Variants in ADAMTS16 observed in about 807,000 individuals in gnomAD.
ADAMTS16 encodes ADAM metallopeptidase with thrombospondin type 1 motif 16, also known as A disintegrin and metalloproteinase with thrombospondin motifs 16.
In ADAMTS16, 94 loss-of-function variants were observed where a neutral mutation model predicts 145.8. The observed-to-expected ratio is 0.64, with a 90% CI of 0.55 to 0.77. The LOEUF (loss-of-function observed/expected upper bound fraction) is 0.77. ADAMTS16 is among the 30% of genes least tolerant of loss of function. The probability of loss-of-function intolerance (pLI) is 0.00; values close to 1 mark genes in which losing one functional copy is unlikely to be tolerated. For missense variants in ADAMTS16, 1,585 were observed against 1,591.5 expected (o/e 1.00, Z 0.07); for synonymous variants, 659 against 604.3 (o/e 1.09, Z -1.33).
Position 5,209,134 on chromosome 5 carries a change from T to C in ADAMTS16, c.1493T>C (p.Val498Ala), listed in dbSNP as rs960592662. 1 of 1,613,862 alleles carries C rather than the reference T, an allele frequency of 6.2e-7. No homozygotes were observed. The highest frequency in any genetic ancestry group is 1.3e-5 in the African/African-American group (1 of 74,934). ...AICLADQPKP[V>A]KEYKYPEKLP... is the part of the protein sequence containing the mutation. ...TGCCTTGCTGATCAGCCAAAGCCTG[T>C]GAAGGAATACAAGTATCCTGAGAAA... The change falls in exon 10 of 23, where the codon GTG (valine) becomes GCG (alanine). Residue 498 changes from valine (V) to alanine (A), a missense_variant. Physicochemically the swap from Val to Ala is moderately conservative, Grantham distance 64. Coordinates refer to ENST00000274181, the MANE Select transcript of ADAMTS16 (RefSeq NM_139056.4).
At chr5:5,199,238 G>A (rs1000606077) in intron 8 of ADAMTS16, among the ~76,000 whole-genome samples, 17 of 152,240 alleles carry the variant, frequency 1.1e-4, no homozygotes, top group South Asian at 2.1e-4. Flanking sequence ...GATTCTCACA[G>A]GTGCACGGCT....
chr5:5,306,028 A>G (rs538922359), intron 20 of ADAMTS16, among the ~76,000 whole-genome samples: 1 of 152,268 alleles, frequency 6.6e-6, no homozygotes, highest in Admixed American at 6.5e-5. Context: ...CTCTCCACGC[A>G]CGCTTCCTTT....
At chr5:5,197,101 T>C (rs16875009) in intron 8 of ADAMTS16, among the ~76,000 whole-genome samples, 2 of 152,112 alleles carry the variant, frequency 1.3e-5, no homozygotes, top group Non-Finnish European at 2.9e-5. Flanking sequence ...GTCGCCATCA[T>C]TATGCCAAAG....
intron 20 of ADAMTS16, among the ~76,000 whole-genome samples, chr5:5,306,043 G>GT (rs1375969887): frequency 2.0e-5 from 3 of 152,140 alleles, no homozygotes; most frequent in Admixed American, 6.5e-5. Flanking sequence ...TCCTTTCCTC[G>GT]CAGGCAGCAC....
chr5:5,282,111 T>C (rs1388470076), intron 18 of ADAMTS16, among the ~76,000 whole-genome samples: 1 of 73,088 alleles, frequency 1.4e-5, no homozygotes, highest in Admixed American at 1.8e-4. Context: ...GGAGATAAAC[T>C]GTTTGGTCCT....
intron 3 of ADAMTS16, among the ~76,000 whole-genome samples, chr5:5,152,285 C>G (rs1251861823): frequency 2.0e-5 from 3 of 152,226 alleles, no homozygotes; most frequent in African/African-American, 2.4e-5. Context: ...CACCCTTACT[C>G]TATGAGCAGA....
chr5:5,265,227 T>A (rs538808029), intron 18 of ADAMTS16, among the ~76,000 whole-genome samples: 1 of 151,978 alleles, frequency 6.6e-6, no homozygotes, highest in African/African-American at 2.4e-5. Context: ...CTAGGTAAGG[T>A]GGTCAGGACA....
At chr5:5,208,254 C>T (rs1265623497) in intron 9 of ADAMTS16, among the ~76,000 whole-genome samples, 1 of 152,200 alleles carries the variant, frequency 6.6e-6, no homozygotes, top group Middle Eastern at 3.2e-3. Context: ...TGGACAACCA[C>T]TCAGAGCCAA....
intron 8 of ADAMTS16, among the ~76,000 whole-genome samples, chr5:5,195,173 T>C (rs1339463535): frequency 6.8e-6 from 1 of 147,214 alleles, no homozygotes; most frequent in Admixed American, 6.7e-5. Context: ...GAACCAGAAC[T>C]GAGATATGTG....
chr5:5,192,631 C>T (rs372076461), intron 8 of ADAMTS16, among the ~76,000 whole-genome samples: 11 of 152,128 alleles, frequency 7.2e-5, no homozygotes, highest in Non-Finnish European at 1.2e-4. Flanking sequence ...GGGAGCCCCA[C>T]GAGCCTGGGG....
In ADAMTS16 at chr5:5,236,992, T is replaced by G; in HGVS notation, c.2047T>G (p.Cys683Gly). 1 of 1,613,908 alleles carries G rather than the reference T, an allele frequency of 6.2e-7. No individual in the cohort carries two copies. The highest frequency in any genetic ancestry group is 1.6e-4 in the Middle Eastern group (1 of 6,062). The change falls in exon 14 of 23, where the codon TGT (cysteine) becomes GGT (glycine). Residue 683 changes from cysteine to glycine, a missense_variant. Cys to Gly is a radical substitution (Grantham distance 159). Around this residue, in one of 3 missense-constraint regions of ADAMTS16, gnomAD observed 834 missense variants for 811.7 expected, o/e 1.03. Coordinates refer to ENST00000274181, the MANE Select transcript of ADAMTS16 (RefSeq NM_139056.4). ...VEDQDLCKLY[C>G]IAEGFDFFFS... ...AGATCAGGACTTATGCAAACTCTAC[T>G]GTATCGCAGAAGGATTTGATTTCTT...
chr5:5,154,511 A>G (rs1321527303), intron 3 of ADAMTS16, among the ~76,000 whole-genome samples: 2 of 152,258 alleles, frequency 1.3e-5, no homozygotes, highest in African/African-American at 4.8e-5. Flanking sequence ...CTATTAATTT[A>G]CTGTTAGTTG....
At chr5:5,228,206 G>T (rs12655182) in intron 11 of ADAMTS16, among the ~76,000 whole-genome samples, 8,595 of 152,180 alleles carry the variant, frequency 0.056, 288 homozygotes, top group East Asian at 0.089. Context: ...CCTAACAGAA[G>T]AATTATTTCA....
At chr5:5,189,273 G>T (rs538223857) in intron 6 of ADAMTS16, among the ~76,000 whole-genome samples, 1 of 152,288 alleles carries the variant, frequency 6.6e-6, no homozygotes, top group South Asian at 2.1e-4. Context: ...CTGGTCTGAT[G>T]CATGTTCTTC....
intron 13 of ADAMTS16, 84 bp downstream of exon 13, chr5:5,235,270 G>A (rs1737069273): frequency 1.5e-6 from 2 of 1,328,196 alleles, no homozygotes; most frequent in Admixed American, 2.8e-5. Flanking sequence ...AGAGTGTGGT[G>A]CACAAATAAA....
At chr5:5,186,299 A>AGG (rs143046364) in intron 5 of ADAMTS16, 48 bp downstream of exon 5, 181,033 of 1,004,244 alleles carry the variant, frequency 0.18, 20,361 homozygotes, top group Admixed American at 0.43. Flanking sequence ...TGCACTTCGT[A>AGG]GGGTGTGTGT....
At position 5,303,375 on chromosome 5, in the gene ADAMTS16, C is replaced by T. The variant is rs372400608; in HGVS notation, c.2897C>T (p.Pro966Leu). 37 of 1,602,610 alleles carry T rather than the reference C, an allele frequency of 2.3e-5. No individual in the cohort carries two copies. The highest frequency in any genetic ancestry group is 3.4e-5 in the Admixed American group (2 of 57,982). The stretch of plus-strand genomic sequence containing the variant: ...GTGCACTATGACTCGGAGCCAGTCC[C>T]GGCCAGCCTGTGCCCTCAGCCTGCT... ...RRVHYDSEPV[P>L]ASLCPQPAPS... The change falls in exon 19 of 23, where the codon CCG becomes CTG. Residue 966 changes from proline (P) to leucine (L), a missense_variant. Coordinates refer to ENST00000274181, the MANE Select transcript of ADAMTS16 (RefSeq NM_139056.4).
intron 18 of ADAMTS16, among the ~76,000 whole-genome samples, chr5:5,284,263 T>A (rs534687814): frequency 2.7e-4 from 41 of 152,374 alleles, no homozygotes; most frequent in African/African-American, 9.6e-4. Flanking sequence ...GGCACATTTC[T>A]ACCTCTTTCA....
Position 5,140,438 on chromosome 5 carries a change from G to T in ADAMTS16, c.-30G>T. The T allele has an allele frequency of 6.7e-7, 1 of 1,492,144 alleles. No individual in the cohort carries two copies. The highest frequency in any genetic ancestry group is 2.2e-5 in the Admixed American group (1 of 45,474). The allele number at this position is 1,492,144 out of a possible 1,614,324, so 92.4% of individuals were successfully genotyped here. ...CACGCTGCCGGCCGGGGACCCTCCG[G>T]TGGCCCCTAGCCCCTCGGAGCGCTC... On this transcript the variant is annotated 5_prime_UTR_variant, in exon 1 of 23. Coordinates refer to ENST00000274181, the MANE Select transcript of ADAMTS16 (RefSeq NM_139056.4).
Sources: allele counts gnomAD v4.1 joint callset (sites outside exome capture counted in the v4.1 genomes callset), GRCh38; gene constraint gnomAD v4.1.1; regional missense constraint gnomAD v4.1.1; transcripts MANE v1.5; gene names NCBI Gene and HGNC (gene_info 2026-07-23, HGNC 2026-07-21).